NPHS2: variants seen among roughly 807,000 people sequenced by gnomAD.
NPHS2 encodes NPHS2 stomatin family member, podocin.
In NPHS2, 36 loss-of-function variants were observed where a neutral mutation model predicts 37.1. The ratio of observed to expected loss-of-function variants is 0.97; its 90% confidence interval spans 0.74 to 1.28. NPHS2 has a LOEUF of 1.28. Among genes scored for constraint, NPHS2 ranks in the 50% most tolerant of loss-of-function variants. The pLI, the probability that NPHS2 is intolerant of heterozygous loss-of-function variation, is 0.00. For synonymous variants in NPHS2, 196 were observed against 189.3 expected (o/e 1.04, Z -0.29); for missense variants, 447 against 488.1 (o/e 0.92, Z 0.79).
At position 179,557,598 on chromosome 1, in the gene NPHS2, G is replaced by A. The variant is rs151102572; in HGVS notation, c.535-368C>T. ...TAATGTGTTGCTCGCTAGAGTGTACGTTAGGGGATGCTTTGATGATATACA... is the reference window on the plus strand; with the variant it reads ...TAATGTGTTGCTCGCTAGAGTGTACATTAGGGGATGCTTTGATGATATACA... On this transcript the variant is annotated intron_variant, in intron 4 of 7. Transcript: ENST00000367615. 5.9e-4 allele frequency among the ~76,000 whole-genome samples: 90 copies of A among 152,288 alleles called. 1 individual carries two copies. The highest frequency in any genetic ancestry group is 3.1e-3 in the Admixed American group (47 of 15,302).
In NPHS2 at chr1:179,556,966, A is replaced by G. The variant is rs1162773109; in HGVS notation, c.738+61T>C. 16 of 1,432,596 alleles carry G rather than the reference A, an allele frequency of 1.1e-5. No homozygotes were observed. In the East Asian group the frequency reaches 3.6e-4, roughly 33 times the overall value. 88.7% of individuals were successfully genotyped at this position (1,432,596 alleles called of 1,614,324 possible). On this transcript the variant is annotated intron_variant, in intron 5 of 7. Coordinates refer to ENST00000367615, the MANE Select transcript of NPHS2 (RefSeq NM_014625.4). This position sits in a 1 kb window ranked among gnomAD's most constrained non-coding sequence, Gnocchi z 4.1. ...CCATAGAAGATTTAATAAATGTCCAATGAACAAATGAATAAAAGATAAATA... is the reference window on the plus strand; with the variant it reads ...CCATAGAAGATTTAATAAATGTCCAGTGAACAAATGAATAAAAGATAAATA...
At chr1:179,562,308 C>A (rs1306456797) in intron 2 of NPHS2, among the ~76,000 whole-genome samples, 1 of 152,100 alleles carries the variant, frequency 6.6e-6, no homozygotes, top group Non-Finnish European at 1.5e-5. Context: ...AGTTCAATTG[C>A]GTGTTTATCA....
chr1:179,570,056 G>A (rs1674494280), intron 1 of NPHS2, among the ~76,000 whole-genome samples: 1 of 152,174 alleles, frequency 6.6e-6, no homozygotes, highest in Non-Finnish European at 1.5e-5. Context: ...TCTTTGTGGT[G>A]TTCTCTGTAT....
chr1:179,573,552 T>C (rs1374858270), intron 1 of NPHS2, among the ~76,000 whole-genome samples: 1 of 152,248 alleles, frequency 6.6e-6, no homozygotes, highest in Non-Finnish European at 1.5e-5. Context: ...ATGGAACTTA[T>C]TTCTCATGGA....
intron 1 of NPHS2, among the ~76,000 whole-genome samples, chr1:179,570,099 G>A (rs1674495820): frequency 6.6e-6 from 1 of 152,174 alleles, no homozygotes; most frequent in African/African-American, 2.4e-5. Context: ...TGCCTTGCTA[G>A]ATTGGGGAAG....
chr1:179,551,540 G>T, intron 7 of NPHS2, 89 bp from the exon 8 acceptor site: 2 of 1,479,238 alleles, frequency 1.4e-6, no homozygotes, highest in South Asian at 1.2e-5. Flanking sequence ...GACAAGCACT[G>T]AGCATCTACT....
rs11422639 is a variant in NPHS2, at chr1:179,553,912, A to ATTT, written c.794+561_794+563dup. Among the ~76,000 whole-genome samples, 720 of 131,834 alleles carry ATTT rather than the reference A, an allele frequency of 5.5e-3. 21 individuals carry two copies. The highest frequency in any genetic ancestry group is 0.047 in the Admixed American group (602 of 12,790). 86.5% of individuals were successfully genotyped at this position (131,834 alleles called of 152,430 possible). A position where few individuals can be genotyped will look rare whatever the true frequency, so the allele number is the denominator to read the frequency against. On this transcript the variant is annotated intron_variant, in intron 6 of 7. Coordinates refer to ENST00000367615, the MANE Select transcript of NPHS2 (RefSeq NM_014625.4). ...AGGCATTTGCCAACACCCCTGGCTA[A>ATTT]TTTTTTTTTTTTTTTTTTGAGATCG...
At chr1:179,552,302 T>C in intron 7 of NPHS2, 1 of 454,578 alleles carries the variant, frequency 2.2e-6, no homozygotes, top group South Asian at 2.2e-5. Flanking sequence ...CAGGAAAAGA[T>C]GCCAGCACTA....
intron 1 of NPHS2, among the ~76,000 whole-genome samples, chr1:179,568,982 A>G (rs754358030): frequency 3.3e-5 from 5 of 152,156 alleles, no homozygotes; most frequent in Admixed American, 2.0e-4. Flanking sequence ...TATGTGGTCA[A>G]TTTTAGAATA....
At chr1:179,559,225 G>A (rs1049537070) in intron 4 of NPHS2, among the ~76,000 whole-genome samples, 1 of 152,170 alleles carries the variant, frequency 6.6e-6, no homozygotes, top group Admixed American at 6.5e-5. Flanking sequence ...CCCACATTAG[G>A]GGAGGGTAAT....
At chr1:179,555,012 G>T (rs1017028775) in intron 5 of NPHS2, among the ~76,000 whole-genome samples, 1 of 152,182 alleles carries the variant, frequency 6.6e-6, no homozygotes, top group Non-Finnish European at 1.5e-5. Context: ...GGAGGAAGGT[G>T]CCACGAGCTG....
chr1:179,569,436 C>A (rs1311977744), intron 1 of NPHS2, among the ~76,000 whole-genome samples: 1 of 152,090 alleles, frequency 6.6e-6, no homozygotes, highest in African/African-American at 2.4e-5. Flanking sequence ...CTATGTGAAT[C>A]TTTGCACATC....
intron 1 of NPHS2, among the ~76,000 whole-genome samples, chr1:179,573,465 TC>T (rs929450488): frequency 1.3e-5 from 2 of 152,200 alleles, no homozygotes; most frequent in African/African-American, 4.8e-5. Context: ...TATGAGAATC[TC>T]GCAAAGCATT....
Position 179,556,920 on chromosome 1 carries a change from G to T in NPHS2, c.738+107C>A. ...CTAGCTATGAGCTCCCAAAGGGATG[G>T]CCCCTAAGGGATGGAACTGGCCATA... On this transcript the variant is annotated intron_variant, in intron 5 of 7. Transcript: ENST00000367615. This position sits in a 1 kb window ranked among gnomAD's most constrained non-coding sequence, Gnocchi z 4.1. The T allele has an allele frequency of 9.3e-7, 1 of 1,072,128 alleles. No individual in the cohort carries two copies. The highest frequency in any genetic ancestry group is 1.4e-6 in the Non-Finnish European group (1 of 721,346). 66.4% of individuals were successfully genotyped at this position (1,072,128 alleles called of 1,614,324 possible). A position where few individuals can be genotyped will look rare whatever the true frequency, so the allele number is the denominator to read the frequency against.
chr1:179,564,887 G>A (rs1044318919), intron 1 of NPHS2, 94 bp from the exon 2 acceptor site: 4 of 989,240 alleles, frequency 4.0e-6, no homozygotes, highest in Non-Finnish European at 6.3e-6. Flanking sequence ...ATTGGAGTTG[G>A]CACAACTTGG....
Position 179,568,828 on chromosome 1 carries a change from C to G in NPHS2, c.275-4035G>C, listed in dbSNP as rs180726504. On this transcript the variant is annotated intron_variant, in intron 1 of 7. Transcript: ENST00000367615. ...GATTTACCCAGTAGTCATTCAGGAG[C>G]AAGTTGTTCAGTTTCCATGTAGTTG... is the stretch of plus-strand genomic sequence containing the variant. 2.8e-3 allele frequency among the ~76,000 whole-genome samples: 425 copies of G among 152,180 alleles called. 3 individuals are homozygous for G. The highest frequency in any genetic ancestry group is 9.9e-3 in the African/African-American group (411 of 41,532).
chr1:179,567,779 CTGT>C (rs1226770146), intron 1 of NPHS2, among the ~76,000 whole-genome samples: 1 of 152,036 alleles, frequency 6.6e-6, no homozygotes, highest in Admixed American at 6.6e-5. Context: ...GCATGAAGGG[CTGT>C]TGAATTTTGT....
At chr1:179,569,713 A>G (rs1255819859) in intron 1 of NPHS2, among the ~76,000 whole-genome samples, 2 of 152,148 alleles carry the variant, frequency 1.3e-5, no homozygotes, top group Non-Finnish European at 2.9e-5. Context: ...TGCTTCCTTC[A>G]GGAGCCCTTG....
chr1:179,555,905 A>G (rs1673903122), intron 5 of NPHS2, among the ~76,000 whole-genome samples: 1 of 152,156 alleles, frequency 6.6e-6, no homozygotes, highest in African/African-American at 2.4e-5. Flanking sequence ...CCCTGCTGCT[A>G]TGGAGGTTGT....
Sources: gnomAD v4.1 joint callset for allele counts (sites outside exome capture counted in the v4.1 genomes callset) on GRCh38, gnomAD v4.1.1 for gene constraint, Gnocchi (gnomAD v3.1) non-coding constraint, MANE v1.5 for transcripts, NCBI Gene and HGNC (gene_info 2026-07-23, HGNC 2026-07-21) for gene names.